Variants in NAALADL2 observed in about 807,000 individuals in gnomAD.
The protein encoded by NAALADL2 is inactive N-acetylated-alpha-linked acidic dipeptidase-like protein 2.
Under a neutral mutation model 87.2 loss-of-function variants are expected in NAALADL2, and 76 were observed. The observed-to-expected ratio is 0.87, with a 90% CI of 0.72 to 1.05. The LOEUF is 1.05. Ranked by LOEUF, NAALADL2 falls within the 50% of genes least tolerant of loss-of-function variation. NAALADL2 has a pLI of 0.00. For synonymous variants in NAALADL2, 354 were observed against 331.0 expected, an observed-to-expected ratio of 1.07 and a Z score of -0.75; for missense variants, 1,089 against 945.8, an observed-to-expected ratio of 1.15 and a Z score of -1.99.
intron 11 of NAALADL2, among the ~76,000 whole-genome samples, chr3:175,719,208 G>A (rs2862308): frequency 0.19 from 29,139 of 151,334 alleles, 2,920 homozygotes; most frequent in Non-Finnish European, 0.21. Context: ...TCACAAATGT[G>A]GGATGGGGGT....
At chr3:175,311,458 G>A (rs996342086) in intron 4 of NAALADL2, among the ~76,000 whole-genome samples, 6 of 152,050 alleles carry the variant, frequency 3.9e-5, no homozygotes, top group African/African-American at 1.4e-4. Flanking sequence ...TCTTGATCTT[G>A]TGATCCTGAC....
At chr3:175,681,580 T>C (rs1403673478) in intron 11 of NAALADL2, among the ~76,000 whole-genome samples, 1 of 152,198 alleles carries the variant, frequency 6.6e-6, no homozygotes, top group Non-Finnish European at 1.5e-5. Flanking sequence ...CTTAGATGAA[T>C]CTAAAAGAAG....
chr3:175,482,939 C>T (rs1451119222), intron 9 of NAALADL2, among the ~76,000 whole-genome samples: 1 of 151,778 alleles, frequency 6.6e-6, no homozygotes, highest in Non-Finnish European at 1.5e-5. Flanking sequence ...CTGCTCATTC[C>T]AACAACGTCT....
At chr3:175,598,715 T>C (rs1001293179) in intron 10 of NAALADL2, among the ~76,000 whole-genome samples, 4 of 152,162 alleles carry the variant, frequency 2.6e-5, no homozygotes, top group Non-Finnish European at 5.9e-5. Flanking sequence ...ATATATATGA[T>C]GTTCTCACAC....
chr3:175,128,506 G>T (rs1184015521), intron 2 of NAALADL2, among the ~76,000 whole-genome samples: 1 of 152,054 alleles, frequency 6.6e-6, no homozygotes, highest in East Asian at 1.9e-4. Flanking sequence ...GGCCTGCTGA[G>T]ATTTCATTTA....
rs150351895 is a variant in NAALADL2, at chr3:175,370,263, C to G, written c.1090+45938C>G. ...CAAAGATAATGGGAAAAATCTTCCA[C>G]TATTCTCAACTATAATTTTAAATAT... On this transcript the variant is annotated intron_variant, in intron 5 of 13. Transcript: ENST00000454872. Among the ~76,000 whole-genome samples, 471 of 152,210 alleles carry G rather than the reference C, an allele frequency of 3.1e-3. 3 individuals are homozygous for G. Among genetic ancestry groups the G allele is most frequent in the African/African-American group, 0.011 (439 of 41,542 alleles).
chr3:175,544,416 C>T (rs372097241), intron 9 of NAALADL2, among the ~76,000 whole-genome samples: 5 of 152,052 alleles, frequency 3.3e-5, no homozygotes, highest in African/African-American at 1.2e-4. Context: ...GAGATGGTCT[C>T]GGTTTTGAGT....
Position 175,372,744 on chromosome 3 carries a change from G to A in NAALADL2, c.1090+48419G>A, listed in dbSNP as rs1560451566. ...GTAATTCTATTAATGAAGAAGTAAG[G>A]AAAAATTGGGGTAGTATCCAGCAGT... On this transcript the variant is annotated intron_variant, in intron 5 of 13. Transcript: ENST00000454872. Among the ~76,000 whole-genome samples, 3 of 152,276 alleles carry A rather than the reference G, an allele frequency of 2.0e-5. No individual in the cohort carries two copies. In the East Asian group the frequency reaches 5.8e-4, roughly 29 times the overall value.
At chr3:175,120,962 T>C (rs1726060142) in intron 2 of NAALADL2, among the ~76,000 whole-genome samples, 1 of 151,892 alleles carries the variant, frequency 6.6e-6, no homozygotes. Flanking sequence ...TATTGATTCA[T>C]TGAAAGAATT....
At chr3:174,554,876 T>C (rs1182593623) in intron 2 of NAALADL2, among the ~76,000 whole-genome samples, 3 of 152,244 alleles carry the variant, frequency 2.0e-5, no homozygotes, top group Non-Finnish European at 4.4e-5. Context: ...TTCTAGAGGC[T>C]GGGAAGGTCC....
chr3:175,697,433 A>ACACACACACACACACAC (rs1560991883), intron 11 of NAALADL2, among the ~76,000 whole-genome samples: 2 of 148,966 alleles, frequency 1.3e-5, no homozygotes, highest in African/African-American at 4.9e-5. Flanking sequence ...ACACACACAC[A>ACACACACACACACACAC]AAACCCTACT....
rs1475731788 is a variant in NAALADL2 at position 175,440,232 on chromosome 3, C to T, written c.1091-6997C>T. Among the ~76,000 whole-genome samples the T allele has an allele frequency of 2.6e-5, 4 of 151,988 alleles. No homozygotes were observed. In the East Asian group the frequency reaches 7.7e-4, roughly 29 times the overall value. On this transcript the variant is annotated intron_variant, in intron 5 of 13. Transcript: ENST00000454872. Reference sequence around the variant, plus strand: ...TTATTTCTGGGTTCTCTATTCTGTTCCATTGATCTATATGTCTGTCTTAAT... The same window carrying T: ...TTATTTCTGGGTTCTCTATTCTGTTTCATTGATCTATATGTCTGTCTTAAT...
intron 1 of NAALADL2, among the ~76,000 whole-genome samples, chr3:174,996,979 G>A (rs1177175294): frequency 2.7e-5 from 4 of 149,666 alleles, no homozygotes; most frequent in African/African-American, 7.4e-5. Context: ...TTATGGCTGA[G>A]TAGTATTCCA....
Position 175,734,287 on chromosome 3 carries a change from G to T in NAALADL2, c.1897-3019G>T, listed in dbSNP as rs1157721249. 3.9e-5 allele frequency among the ~76,000 whole-genome samples: 6 copies of T among 152,052 alleles called. No homozygotes were observed. In the East Asian group the frequency reaches 1.2e-3, roughly 29 times the overall value. On this transcript the variant is annotated intron_variant, in intron 11 of 13. Coordinates refer to ENST00000454872, the MANE Select transcript of NAALADL2 (RefSeq NM_207015.3). Reference sequence around the variant, plus strand: ...AGGCAGAGGTGGGCTGGGCGCGGTGGCTCACACCTGTAATCCCAGCACTTT... The same window carrying T: ...AGGCAGAGGTGGGCTGGGCGCGGTGTCTCACACCTGTAATCCCAGCACTTT...
intron 2 of NAALADL2, among the ~76,000 whole-genome samples, chr3:174,696,984 T>C (rs758548724): frequency 6.6e-5 from 10 of 152,104 alleles, no homozygotes; most frequent in Non-Finnish European, 1.0e-4. Flanking sequence ...TCTAATCAAG[T>C]AGACTCATAC....
At chr3:175,399,364 C>T (rs545498011) in intron 5 of NAALADL2, among the ~76,000 whole-genome samples, 1 of 152,074 alleles carries the variant, frequency 6.6e-6, no homozygotes, top group South Asian at 2.1e-4. Flanking sequence ...GGAATGCAGC[C>T]CAGCAAGTCC....
At chr3:175,052,524 A>C (rs566737327) in intron 1 of NAALADL2, among the ~76,000 whole-genome samples, 11 of 152,286 alleles carry the variant, frequency 7.2e-5, no homozygotes, top group Middle Eastern at 3.4e-3. Context: ...CACAGATTAA[A>C]ATCACAATCA....
At chr3:174,706,489 A>G (rs1324576478) in intron 2 of NAALADL2, among the ~76,000 whole-genome samples, 1 of 152,216 alleles carries the variant, frequency 6.6e-6, no homozygotes, top group Admixed American at 6.5e-5. Flanking sequence ...TTGTCCTCTA[A>G]AGAACACTCA....
chr3:175,287,004 G>A (rs545264824), intron 4 of NAALADL2, among the ~76,000 whole-genome samples: 1 of 152,070 alleles, frequency 6.6e-6, no homozygotes, highest in African/African-American at 2.4e-5. Flanking sequence ...GGGATGGGGC[G>A]GAGGTGGAGT....
Sources: gnomAD v4.1 joint callset for allele counts (sites outside exome capture counted in the v4.1 genomes callset) on GRCh38, gnomAD v4.1.1 for gene constraint, MANE v1.5 for transcripts, NCBI Gene and HGNC (gene_info 2026-07-23, HGNC 2026-07-21) for gene names.